The following MMP21 variants were observed in gnomAD, a reference collection of about 807,000 sequenced individuals.
The protein encoded by MMP21 is matrix metalloproteinase-21.
MMP21 carries 40 observed loss-of-function variants against 47.8 expected under a neutral mutation model. The observed-to-expected ratio is 0.84, with a 90% CI of 0.65 to 1.09. The LOEUF (loss-of-function observed/expected upper bound fraction) is 1.09. Among genes scored for constraint, MMP21 ranks in the 50% least tolerant of loss-of-function variants. The probability of loss-of-function intolerance (pLI) is 0.00; values close to 1 mark genes in which losing one functional copy is unlikely to be tolerated. For synonymous variants in MMP21, 341 were observed against 318.0 expected (o/e 1.07, Z -0.77); for missense variants, 747 against 775.3 (o/e 0.96, Z 0.43).
Position 125,767,654 on chromosome 10 carries a change from C to G in MMP21, c.1288G>C (p.Asp430His). The G allele has an allele frequency of 6.2e-7, 1 of 1,614,180 alleles. No homozygotes were observed. The highest frequency in any genetic ancestry group is 8.5e-7 in the Non-Finnish European group (1 of 1,180,032). ...DSDKDQALTE[D>H]EQGKSYPKLI... is the part of the protein sequence containing the mutation. ...TTGGGATAGCTTTTTCCTTGTTCAT[C>G]TTCTGTGAGGGCCTGATCCTTGTCA... is the stretch of plus-strand genomic sequence containing the variant. The change falls in exon 6 of 7, where the codon GAT becomes CAT. Residue 430 changes from aspartate to histidine, a missense_variant. Transcript: ENST00000368808.
chr10:125,774,741 G>A (rs1321668056), intron 1 of MMP21, among the ~76,000 whole-genome samples: 1 of 152,174 alleles, frequency 6.6e-6, no homozygotes, highest in Non-Finnish European at 1.5e-5. Context: ...AAGAGGTCGC[G>A]GGGGAGGAAG....
Position 125,773,405 on chromosome 10 carries a change from T to C in MMP21, c.697+426A>G, listed in dbSNP as rs1850475788. The stretch of plus-strand genomic sequence containing the variant: ...GATCCTCTTCTGCTTGGTCTGCCCC[T>C]TAAAAACACTTCTGTTGCTAGACGT... On this transcript the variant is annotated intron_variant, in intron 2 of 6. Coordinates refer to ENST00000368808, the MANE Select transcript of MMP21 (RefSeq NM_147191.1). This position sits in a 1 kb window ranked among gnomAD's most constrained non-coding sequence, Gnocchi z 4.8. Among the ~76,000 whole-genome samples, 1 of 152,038 alleles carries C rather than the reference T, an allele frequency of 6.6e-6. No individual in the cohort carries two copies. Among genetic ancestry groups the C allele is most frequent in the Non-Finnish European group, 1.5e-5 (1 of 68,014 alleles).
Position 125,773,938 on chromosome 10 carries a change from A to G in MMP21, c.590T>C (p.Ile197Thr), listed in dbSNP as rs1451128415. 1.9e-6 allele frequency: 3 copies of G among 1,585,376 alleles called. No homozygotes were observed. Among genetic ancestry groups the G allele is most frequent in the Middle Eastern group, 1.7e-4 (1 of 6,042 alleles). Residue 197 changes from isoleucine to threonine, a missense_variant, in exon 2 of 7, where the codon ATT (isoleucine) becomes ACT (threonine). By Grantham distance (89) the Ile-to-Thr change is moderately conservative. Coordinates refer to ENST00000368808, the MANE Select transcript of MMP21 (RefSeq NM_147191.1). The surrounding 1 kb of genome is among the most constrained non-coding windows in gnomAD (Gnocchi z 4.8). ...CCACATCCTGAAGGCCAGCGCCACA[A>G]TGCGCCGCTGGTCGGCCACGGACAG... Reference protein sequence around the residue: ...SQLSVADQRRIVALAFRMWSE... With the variant: ...SQLSVADQRRTVALAFRMWSE...
chr10:125,772,367 GGGACACACACCA>G lies in MMP21; in HGVS notation c.838-20_838-9del. 6.2e-7 allele frequency: 1 copy of G among 1,613,996 alleles called. No individual in the cohort carries two copies. ...AATTTCATGGACGGCCACCTAGAAG[GGGACACACACCA>G]TGGGTGCTGGGTGAAGCCTGGGCGA... On this transcript the variant is annotated splice_polypyrimidine_tract_variant and intron_variant, in intron 3 of 6. Transcript: ENST00000368808. This position sits in a 1 kb window ranked among gnomAD's most constrained non-coding sequence, Gnocchi z 5.6.
Position 125,770,566 on chromosome 10 carries a change from A to C in MMP21, c.1005T>G (p.Thr335=). 1 of 1,614,196 alleles carries C rather than the reference A, an allele frequency of 6.2e-7. No individual in the cohort carries two copies. Among genetic ancestry groups the C allele is most frequent in the Non-Finnish European group, 8.5e-7 (1 of 1,180,024 alleles). The change falls in exon 5 of 7, where the codon ACT becomes ACG. Residue 335 remains threonine (T), a synonymous_variant. Transcript: ENST00000368808. Reference sequence around the variant, plus strand: ...TCTCTTTGCGAATCCAGTCAAACGCAGTATCAAATGATCCCTCACAGGAGC... The same window carrying C: ...TCTCTTTGCGAATCCAGTCAAACGCCGTATCAAATGATCCCTCACAGGAGC... ...LYGSCEGSFD[T]AFDWIRKERN... is the part of the protein sequence containing the mutation.
At chr10:125,775,153 G>A (rs1850503639) in intron 1 of MMP21, among the ~76,000 whole-genome samples, 1 of 152,186 alleles carries the variant, frequency 6.6e-6, no homozygotes, top group Non-Finnish European at 1.5e-5. Flanking sequence ...CCGCCACCAC[G>A]ACTCTCTGGA....
chr10:125,774,711 G>A (rs550450535), intron 1 of MMP21, among the ~76,000 whole-genome samples: 70 of 152,306 alleles, frequency 4.6e-4, no homozygotes, highest in African/African-American at 1.7e-3. Flanking sequence ...CAGCGGGGTG[G>A]GCGAGTGCCG....
chr10:125,770,654 T>C (rs1232889002), intron 4 of MMP21, 63 bp from the exon 5 acceptor site: 4 of 1,564,566 alleles, frequency 2.6e-6, no homozygotes, highest in Non-Finnish European at 8.7e-7. Context: ...TATATTTTCA[T>C]ATGTGACTTG....
intron 6 of MMP21, 152 bp downstream of exon 6, chr10:125,767,380 G>C: frequency 1.4e-6 from 1 of 692,060 alleles, no homozygotes; most frequent in Non-Finnish European, 2.4e-6. Flanking sequence ...GGGCTTAAGC[G>C]ATCCGCCCAC....
chr10:125,770,412 G>A lies in MMP21; in HGVS notation c.1159C>T (p.Pro387Ser). Residue 387 changes from proline (P) to serine (S), a missense_variant, in exon 5 of 7, where the codon CCT becomes TCT. Physicochemically the swap from Pro to Ser is moderately conservative, Grantham distance 74. Coordinates refer to ENST00000368808, the MANE Select transcript of MMP21 (RefSeq NM_147191.1). ...GDPIQILTGW[P>S]GIPTHNIDAF... ...TCTATGTTGTGTGTTGGGATTCCAG[G>A]CCAGCCAGTGAGGATTTGGATAGGG... 1.2e-6 allele frequency: 2 copies of A among 1,614,168 alleles called. No homozygotes were observed. Among genetic ancestry groups the A allele is most frequent in the Non-Finnish European group, 1.7e-6 (2 of 1,180,032 alleles).
In MMP21 at chr10:125,773,090, T is replaced by C. The variant is rs1356840801; in HGVS notation, c.698-340A>G. Among the ~76,000 whole-genome samples the C allele has an allele frequency of 6.6e-6, 1 of 152,168 alleles. No individual in the cohort carries two copies. Among genetic ancestry groups the C allele is most frequent in the East Asian group, 1.9e-4 (1 of 5,168 alleles). On this transcript the variant is annotated intron_variant, in intron 2 of 6. Coordinates refer to ENST00000368808, the MANE Select transcript of MMP21 (RefSeq NM_147191.1). This position sits in a 1 kb window ranked among gnomAD's most constrained non-coding sequence, Gnocchi z 4.8. ...TCGCCTCTGCGGAGGTCGTGAAATATTGAAAGCTGGGTCCCTTAAAATTTG... is the reference window on the plus strand; with the variant it reads ...TCGCCTCTGCGGAGGTCGTGAAATACTGAAAGCTGGGTCCCTTAAAATTTG...
chr10:125,772,811 T>C lies in MMP21; in HGVS notation c.698-61A>G. On this transcript the variant is annotated intron_variant, in intron 2 of 6. Transcript: ENST00000368808. The surrounding 1 kb of genome is among the most constrained non-coding windows in gnomAD (Gnocchi z 5.6). The stretch of plus-strand genomic sequence containing the variant: ...GATGAGTGCCCCCCATACAGACTCC[T>C]CACCTAGGGGGTCCCCAGCCTCCAG... The C allele has an allele frequency of 4.4e-6, 7 of 1,579,872 alleles. No individual in the cohort carries two copies. The South Asian group carries it at 7.8e-5, about 18-fold the overall frequency.
chr10:125,769,011 T>C (rs1388947289), intron 5 of MMP21, among the ~76,000 whole-genome samples: 2 of 152,192 alleles, frequency 1.3e-5, no homozygotes, highest in Non-Finnish European at 2.9e-5. Context: ...TGTTAAGTCT[T>C]TTTGAGCAAT....
rs1306679137 is a variant in MMP21, at chr10:125,772,606, C to T, written c.837+5G>A. 6.2e-7 allele frequency: 1 copy of T among 1,614,258 alleles called. No homozygotes were observed. The highest frequency in any genetic ancestry group is 2.2e-5 in the East Asian group (1 of 44,886). On this transcript the variant is annotated splice_donor_5th_base_variant and intron_variant, in intron 3 of 6. Coordinates refer to ENST00000368808, the MANE Select transcript of MMP21 (RefSeq NM_147191.1). The surrounding 1 kb of genome is among the most constrained non-coding windows in gnomAD (Gnocchi z 5.6). Reference sequence around the variant, plus strand: ...TTATCAACACAGTGGCTCAGGACCACTGACCTTGAGAAGGCTGATGCCCGT... The same window carrying T: ...TTATCAACACAGTGGCTCAGGACCATTGACCTTGAGAAGGCTGATGCCCGT...
In MMP21 at chr10:125,772,760, GGGA is replaced by G. The variant is rs747625523; in HGVS notation, c.698-13_698-11del. The G allele has an allele frequency of 4.3e-6, 7 of 1,610,884 alleles. No individual in the cohort carries two copies. The Admixed American group carries it at 6.7e-5, about 15-fold the overall frequency. ...CAGCCCAGGTGCCGGCCTGGCGAGG[GGGA>G]GGAGGAGTTGGTCCCGGTGAAGGAT... On this transcript the variant is annotated splice_polypyrimidine_tract_variant and intron_variant, in intron 2 of 6. Coordinates refer to ENST00000368808, the MANE Select transcript of MMP21 (RefSeq NM_147191.1). This position sits in a 1 kb window ranked among gnomAD's most constrained non-coding sequence, Gnocchi z 5.6.
At position 125,772,213 on chromosome 10, in the gene MMP21, C is replaced by G; in HGVS notation, c.979+5G>C. 1 of 1,614,136 alleles carries G rather than the reference C, an allele frequency of 6.2e-7. No individual in the cohort carries two copies. Among genetic ancestry groups the G allele is most frequent in the Non-Finnish European group, 8.5e-7 (1 of 1,179,992 alleles). On this transcript the variant is annotated splice_donor_5th_base_variant and intron_variant, in intron 4 of 6. Coordinates refer to ENST00000368808, the MANE Select transcript of MMP21 (RefSeq NM_147191.1). This position sits in a 1 kb window ranked among gnomAD's most constrained non-coding sequence, Gnocchi z 5.6. ...GCTCAGGGATGCCCTCCGCAGCAGT[C>G]TTACCATACAGCTTTTGAATTGCTT...
At position 125,774,285 on chromosome 10, in the gene MMP21, CT is replaced by C; in HGVS notation, c.242del (p.Lys81ArgfsTer29). On this transcript the variant is annotated frameshift_variant, in exon 2 of 7. Transcript: ENST00000368808. LOFTEE classifies it high-confidence loss of function. Reference sequence around the variant, plus strand: ...GCACCGCCTCGGCCAGGGCGGCGCCCTTGGGGGTCTCCGGCGGCCCCTCGGG... The same window carrying C: ...GCACCGCCTCGGCCAGGGCGGCGCCCTGGGGGTCTCCGGCGGCCCCTCGGG... ...PSPEGPPETP[K>X]GAALAEAVRR... The C allele has an allele frequency of 7.0e-7, 1 of 1,420,910 alleles. No homozygotes were observed. The highest frequency in any genetic ancestry group is 9.1e-7 in the Non-Finnish European group (1 of 1,096,140). 88.0% of individuals were successfully genotyped at this position (1,420,910 alleles called of 1,614,324 possible).
In MMP21 at chr10:125,773,823, G is replaced by A. The variant is rs1368704674; in HGVS notation, c.697+8C>T. 3 of 1,523,640 alleles carry A rather than the reference G, an allele frequency of 2.0e-6. No individual in the cohort carries two copies. In the Middle Eastern group the frequency reaches 5.2e-4, roughly 263 times the overall value. The allele number at this position is 1,523,640 out of a possible 1,614,324, so 94.4% of individuals were successfully genotyped here. ...GTCGGGCAGGCAGGGAGCCCGGGGT[G>A]CTCTTACCTCTCCCAAAGCCCAGCT... On this transcript the variant is annotated splice_region_variant and intron_variant, in intron 2 of 6. Transcript: ENST00000368808. This position sits in a 1 kb window ranked among gnomAD's most constrained non-coding sequence, Gnocchi z 4.8.
Position 125,770,564 on chromosome 10 carries a change from G to T in MMP21, c.1007C>A (p.Ala336Glu). 1.2e-6 allele frequency: 2 copies of T among 1,614,032 alleles called. No individual in the cohort carries two copies. Among genetic ancestry groups the T allele is most frequent in the Non-Finnish European group, 1.7e-6 (2 of 1,180,000 alleles). The stretch of plus-strand genomic sequence containing the variant: ...TCTCTCTTTGCGAATCCAGTCAAAC[G>T]CAGTATCAAATGATCCCTCACAGGA... Reference protein sequence around the residue: ...YGSCEGSFDTAFDWIRKERNQ... With the variant: ...YGSCEGSFDTEFDWIRKERNQ... Residue 336 changes from alanine (A) to glutamate (E), a missense_variant, in exon 5 of 7, where the codon GCG (alanine) becomes GAG (glutamate). Coordinates refer to ENST00000368808, the MANE Select transcript of MMP21 (RefSeq NM_147191.1).
Sources: allele counts gnomAD v4.1 joint callset (sites outside exome capture counted in the v4.1 genomes callset), GRCh38; gene constraint gnomAD v4.1.1; non-coding constraint Gnocchi (gnomAD v3.1); transcripts MANE v1.5; gene names NCBI Gene and HGNC (gene_info 2026-07-23, HGNC 2026-07-21).